The following HDAC9 variants were observed in gnomAD, a reference collection of about 807,000 sequenced individuals.
HDAC9 encodes MEF-2 interacting transcription repressor (MITR) protein.
A neutral mutation model predicts 139.4 loss-of-function variants in HDAC9; 41 were observed. The observed-to-expected ratio is 0.29, with a 90% CI of 0.23 to 0.38. The LOEUF (loss-of-function observed/expected upper bound fraction) is 0.38. Ranked by LOEUF, HDAC9 falls within the 10% of genes least tolerant of loss-of-function variation. HDAC9 has a pLI of 1.00. For missense variants in HDAC9, 1,147 were observed against 1,297.0 expected, an observed-to-expected ratio of 0.88 and a Z score of 1.78; for synonymous variants, 517 against 476.2, an observed-to-expected ratio of 1.09 and a Z score of -1.12.
intron 2 of HDAC9, among the ~76,000 whole-genome samples, chr7:18,263,335 C>T (rs1795797414): frequency 6.6e-6 from 1 of 152,060 alleles, no homozygotes; most frequent in African/African-American, 2.4e-5. Flanking sequence ...CTCATAATCT[C>T]TTCTGTAATA....
intron 11 of HDAC9, among the ~76,000 whole-genome samples, chr7:18,665,971 A>T (rs1794748560): frequency 6.6e-6 from 1 of 152,136 alleles, no homozygotes; most frequent in Non-Finnish European, 1.5e-5. Flanking sequence ...CATTAAAAAG[A>T]AAAAACAATC....
chr7:18,600,904 G>A (rs527557812), intron 6 of HDAC9, among the ~76,000 whole-genome samples: 89 of 152,248 alleles, frequency 5.8e-4, no homozygotes, highest in African/African-American at 1.9e-3. Flanking sequence ...CTGGGCTCAA[G>A]TGATCTTCCC....
At chr7:18,977,915 GACAGAC>G (rs774069643) in intron 25 of HDAC9, among the ~76,000 whole-genome samples, 48 of 103,216 alleles carry the variant, frequency 4.7e-4, no homozygotes, top group Middle Eastern at 4.6e-3. Context: ...GAGACAGACA[GACAGAC>G]ACACACACAC....
chr7:18,148,865 C>G (rs1786542212), intron 1 of HDAC9, among the ~76,000 whole-genome samples: 1 of 152,130 alleles, frequency 6.6e-6, no homozygotes, highest in Non-Finnish European at 1.5e-5. Flanking sequence ...TAAATTCTAC[C>G]TGCAACCTTA....
chr7:18,133,215 A>G lies in HDAC9; in HGVS notation c.-96-29014A>G, dbSNP rs57326954. ...TCTGGCTCAAAATAGAACAAATTCC[A>G]CAAAAATTGCCCATGGCATATCAGT... On this transcript the variant is annotated intron_variant, in intron 1 of 12. Coordinates refer to the HDAC9 transcript ENST00000417496. Among the ~76,000 whole-genome samples the G allele has an allele frequency of 2.7e-3, 417 of 152,338 alleles. 2 individuals are homozygous for G. Among genetic ancestry groups the G allele is most frequent in the African/African-American group, 9.2e-3 (383 of 41,580 alleles).
intron 2 of HDAC9, among the ~76,000 whole-genome samples, chr7:18,237,805 G>C (rs983197058): frequency 3.9e-5 from 6 of 152,158 alleles, no homozygotes; most frequent in Non-Finnish European, 7.3e-5. Flanking sequence ...ATAAGGCCCA[G>C]GAGAAAGGTG....
chr7:18,113,158 C>T lies in HDAC9; in HGVS notation c.-97+25945C>T, dbSNP rs972868255. 3.9e-5 allele frequency among the ~76,000 whole-genome samples: 6 copies of T among 152,150 alleles called. No homozygotes were observed. The East Asian group carries it at 5.8e-4, about 15-fold the overall frequency. On this transcript the variant is annotated intron_variant, in intron 1 of 12. Coordinates refer to the HDAC9 transcript ENST00000417496. Reference sequence around the variant, plus strand: ...ATTAAGTACACGTACATTAAAATCACGTACATCAGTGAATTGTAATTTAAG... The same window carrying T: ...ATTAAGTACACGTACATTAAAATCATGTACATCAGTGAATTGTAATTTAAG...
intron 1 of HDAC9, among the ~76,000 whole-genome samples, chr7:18,338,630 G>A (rs1326969424): frequency 6.6e-6 from 1 of 151,320 alleles, no homozygotes; most frequent in Non-Finnish European, 1.5e-5. Flanking sequence ...AATCAATCTT[G>A]CATTATTGGG....
rs1797243073 is a variant in HDAC9 at position 18,850,945 on chromosome 7, G to T, written c.2684+14948G>T. Among the ~76,000 whole-genome samples, 3 of 152,126 alleles carry T rather than the reference G, an allele frequency of 2.0e-5. 1 individual carries two copies. Among genetic ancestry groups the T allele is most frequent in the South Asian group, 4.1e-4 (2 of 4,824 alleles). ...CGTTCTTGAGGGCTCTGCTCCCATG[G>T]TCTAATCACCTTCCAAAGGCCCCAC... On this transcript the variant is annotated intron_variant, in intron 21 of 25. Transcript: ENST00000686413.
intron 22 of HDAC9, among the ~76,000 whole-genome samples, chr7:18,880,424 TTGAC>T (rs1799647678): frequency 6.6e-6 from 1 of 152,126 alleles, no homozygotes; most frequent in Non-Finnish European, 1.5e-5. Flanking sequence ...CCATCAATGA[TTGAC>T]TGAACAAAGA....
chr7:18,959,316 A>G (rs1357320372), intron 24 of HDAC9, among the ~76,000 whole-genome samples: 1 of 152,154 alleles, frequency 6.6e-6, no homozygotes, highest in Non-Finnish European at 1.5e-5. Flanking sequence ...AAACCCCAAA[A>G]CATGAGAACA....
intron 3 of HDAC9, 74 bp from the exon 4 acceptor site, chr7:18,590,262 A>G (rs1339692993): frequency 3.4e-6 from 5 of 1,464,062 alleles, no homozygotes; most frequent in African/African-American, 1.4e-5. Context: ...AGCTCATAAC[A>G]TTTCAGTTTT....
At chr7:18,749,603 A>T (rs1477793854) in intron 14 of HDAC9, among the ~76,000 whole-genome samples, 3 of 152,232 alleles carry the variant, frequency 2.0e-5, no homozygotes, top group African/African-American at 7.2e-5. Context: ...TGATGTGTTT[A>T]TAACTTGATG....
At chr7:18,237,194 A>C (rs1456614948) in intron 2 of HDAC9, among the ~76,000 whole-genome samples, 1 of 152,212 alleles carries the variant, frequency 6.6e-6, no homozygotes, top group Non-Finnish European at 1.5e-5. Context: ...GTTGCTGTGA[A>C]AGAGTCAACT....
intron 1 of HDAC9, among the ~76,000 whole-genome samples, chr7:18,153,967 C>T (rs1355478583): frequency 6.6e-6 from 1 of 152,180 alleles, no homozygotes; most frequent in Non-Finnish European, 1.5e-5. Flanking sequence ...ACAGGTAGAA[C>T]AGTGAGTAAA....
intron 1 of HDAC9, among the ~76,000 whole-genome samples, chr7:18,435,252 G>A (rs755320400): frequency 4.6e-5 from 7 of 152,006 alleles, no homozygotes; most frequent in East Asian, 2.0e-4. Flanking sequence ...TGGGGCCTAC[G>A]TGAGGGTGAA....
At chr7:18,650,250 A>T (rs1218867086) in intron 11 of HDAC9, among the ~76,000 whole-genome samples, 1 of 152,108 alleles carries the variant, frequency 6.6e-6, no homozygotes, top group African/African-American at 2.4e-5. Context: ...GGGAGGGAAG[A>T]TTAGGGATCG....
chr7:18,546,561 A>G (rs1464235009), intron 2 of HDAC9, among the ~76,000 whole-genome samples: 1 of 152,108 alleles, frequency 6.6e-6, no homozygotes, highest in Non-Finnish European at 1.5e-5. Context: ...TCATTCTCTT[A>G]GTCTTTTGTT....
intron 1 of HDAC9, among the ~76,000 whole-genome samples, chr7:18,158,909 C>T (rs1267377100): frequency 1.3e-5 from 2 of 152,210 alleles, no homozygotes; most frequent in Non-Finnish European, 2.9e-5. Flanking sequence ...CTCCGTGCTA[C>T]ATCTGAATAT....
Sources: allele counts gnomAD v4.1 joint callset (sites outside exome capture counted in the v4.1 genomes callset), GRCh38; gene constraint gnomAD v4.1.1; transcripts MANE v1.5; gene names NCBI Gene and HGNC (gene_info 2026-07-23, HGNC 2026-07-21).